SOX5: variants seen among roughly 807,000 people sequenced by gnomAD.
SOX5 encodes the protein transcription factor SOX-5.
In SOX5, 9 loss-of-function variants were observed where a neutral mutation model predicts 92.0. The observed-to-expected ratio is 0.10, with a 90% CI of 0.06 to 0.17. The LOEUF is 0.17. Among genes scored for constraint, SOX5 ranks in the 10% least tolerant of loss-of-function variants. SOX5 has a pLI of 1.00. For synonymous variants in SOX5, 344 were observed against 336.3 expected (o/e 1.02, Z -0.25); for missense variants, 642 against 944.5 (o/e 0.68, Z 4.20).
chr12:24,506,810 G>A (rs1268611743), intron 1 of SOX5, among the ~76,000 whole-genome samples: 1 of 35,992 alleles, frequency 2.8e-5, no homozygotes, highest in African/African-American at 1.3e-4. Context: ...TTTTTTTGGA[G>A]ACGGGAGTCT....
At chr12:23,560,202 T>A (rs1174690187) in intron 11 of SOX5, among the ~76,000 whole-genome samples, 1 of 152,192 alleles carries the variant, frequency 6.6e-6, no homozygotes, top group Non-Finnish European at 1.5e-5. Flanking sequence ...TGAGTCACCG[T>A]GCCTGGCCGG....
In SOX5 at chr12:24,235,781, C is replaced by T. The variant is rs137948097; in HGVS notation, c.-76-22364G>A. Among the ~76,000 whole-genome samples, 142 of 152,224 alleles carry T rather than the reference C, an allele frequency of 9.3e-4. No homozygotes were observed. The Middle Eastern group carries it at 0.01, about 11-fold the overall frequency. On this transcript the variant is annotated intron_variant, in intron 3 of 4. Coordinates refer to the SOX5 transcript ENST00000446891. ...CTAGTTTATGCTTTTGAGACTAATA[C>T]AATTAAAATTTTTTTAAATAAAGCT...
At chr12:23,915,042 C>T (rs1595608079) in intron 1 of SOX5, among the ~76,000 whole-genome samples, 1 of 152,102 alleles carries the variant, frequency 6.6e-6, no homozygotes, top group African/African-American at 2.4e-5. Flanking sequence ...TTAGACAGAC[C>T]TAGACTGAGT....
chr12:24,555,704 CAAAG>C (rs1566461545), intron 1 of SOX5, among the ~76,000 whole-genome samples: 1 of 152,092 alleles, frequency 6.6e-6, no homozygotes, highest in African/African-American at 2.4e-5. Flanking sequence ...ACTCAAAACT[CAAAG>C]AGACCTCAAA....
At chr12:23,616,467 TG>T (rs1396005097) in intron 8 of SOX5, among the ~76,000 whole-genome samples, 1 of 152,150 alleles carries the variant, frequency 6.6e-6, no homozygotes. Context: ...GAGTCCCCGT[TG>T]GGGAAGAATT....
intron 4 of SOX5, among the ~76,000 whole-genome samples, chr12:24,151,199 T>C (rs1951620115): frequency 6.6e-6 from 1 of 152,060 alleles, no homozygotes; most frequent in Non-Finnish European, 1.5e-5. Flanking sequence ...ATAATAAGAA[T>C]AGCAGTGAGA....
chr12:23,607,199 G>C (rs1480434640), intron 8 of SOX5, among the ~76,000 whole-genome samples: 1 of 152,158 alleles, frequency 6.6e-6, no homozygotes, highest in East Asian at 1.9e-4. Context: ...GTTCACCAAG[G>C]TATTGAAGTA....
At chr12:24,413,706 CAAAT>C (rs897149879) in intron 1 of SOX5, among the ~76,000 whole-genome samples, 14 of 152,114 alleles carry the variant, frequency 9.2e-5, no homozygotes, top group African/African-American at 2.9e-4. Flanking sequence ...CAATAGATAA[CAAAT>C]AAATGGCCCA....
intron 2 of SOX5, among the ~76,000 whole-genome samples, chr12:24,319,257 C>T (rs1488385617): frequency 6.6e-6 from 1 of 152,214 alleles, no homozygotes; most frequent in Non-Finnish European, 1.5e-5. Context: ...CTCATTCACG[C>T]ATCCCCCTCA....
At chr12:24,238,732 T>C (rs905363756) in intron 3 of SOX5, among the ~76,000 whole-genome samples, 1 of 152,140 alleles carries the variant, frequency 6.6e-6, no homozygotes, top group Non-Finnish European at 1.5e-5. Context: ...AATTTCTACC[T>C]TCTTTTCTGA....
chr12:23,595,438 C>T (rs1055606078), intron 9 of SOX5, among the ~76,000 whole-genome samples: 19 of 151,696 alleles, frequency 1.3e-4, no homozygotes, highest in African/African-American at 3.6e-4. Flanking sequence ...CTGGCTAACA[C>T]GGTGAAACCC....
At chr12:24,526,319 G>A (rs1950706230) in intron 1 of SOX5, among the ~76,000 whole-genome samples, 1 of 152,040 alleles carries the variant, frequency 6.6e-6, no homozygotes, top group Admixed American at 6.6e-5. Flanking sequence ...TAATAGAGAA[G>A]GAAAATTTGA....
At chr12:24,432,079 G>A (rs879340524) in intron 1 of SOX5, among the ~76,000 whole-genome samples, 2 of 152,118 alleles carry the variant, frequency 1.3e-5, no homozygotes, top group Non-Finnish European at 2.9e-5. Context: ...CCCAAAGATT[G>A]GCAGACTGGG....
At chr12:24,557,257 G>A (rs1397582797) in intron 1 of SOX5, among the ~76,000 whole-genome samples, 2 of 151,826 alleles carry the variant, frequency 1.3e-5, no homozygotes, top group Admixed American at 6.6e-5. Context: ...GTGTGGCCGC[G>A]CATGCCTGCA....
At chr12:24,232,839 A>G (rs1246687171) in intron 3 of SOX5, among the ~76,000 whole-genome samples, 1 of 152,174 alleles carries the variant, frequency 6.6e-6, no homozygotes, top group East Asian at 1.9e-4. Flanking sequence ...ATTCCATATA[A>G]TATCCATATT....
At chr12:24,480,720 C>A (rs544802292) in intron 1 of SOX5, among the ~76,000 whole-genome samples, 26 of 151,874 alleles carry the variant, frequency 1.7e-4, no homozygotes, top group Non-Finnish European at 3.1e-4. Flanking sequence ...TATCATCTTA[C>A]CCCAGTTAAA....
chr12:23,583,004 T>C (rs1950248769), intron 9 of SOX5, among the ~76,000 whole-genome samples: 1 of 152,114 alleles, frequency 6.6e-6, no homozygotes, highest in Non-Finnish European at 1.5e-5. Context: ...AATGCCTCGA[T>C]GCTGTAAATT....
chr12:24,369,338 C>T (rs937698507), intron 1 of SOX5, among the ~76,000 whole-genome samples: 1 of 152,126 alleles, frequency 6.6e-6, no homozygotes, highest in Non-Finnish European at 1.5e-5. Context: ...TTTTGCCTCT[C>T]GAAGGGGCCA....
chr12:24,229,802 A>G (rs1211802211), intron 3 of SOX5, among the ~76,000 whole-genome samples: 3 of 152,320 alleles, frequency 2.0e-5, no homozygotes, highest in East Asian at 3.9e-4. Flanking sequence ...AAAGACCGCT[A>G]GCAATAAAAG....
Sources: gnomAD v4.1 joint callset for allele counts (sites outside exome capture counted in the v4.1 genomes callset) on GRCh38, gnomAD v4.1.1 for gene constraint, MANE v1.5 for transcripts, NCBI Gene and HGNC (gene_info 2026-07-23, HGNC 2026-07-21) for gene names.